The following CPNE8 variants were observed in gnomAD, a reference collection of about 807,000 sequenced individuals.
CPNE8 encodes the protein copine 8.
CPNE8 carries 45 observed loss-of-function variants against 81.5 expected under a neutral mutation model. That is an observed-to-expected ratio of 0.55 (90% CI 0.44 to 0.71). CPNE8 has a LOEUF of 0.71. Ranked by LOEUF, CPNE8 falls within the 30% of genes least tolerant of loss-of-function variation. CPNE8 has a pLI of 0.00. For missense variants in CPNE8, 594 were observed against 672.1 expected, an observed-to-expected ratio of 0.88 and a Z score of 1.28; for synonymous variants, 252 against 226.3, an observed-to-expected ratio of 1.11 and a Z score of -1.02.
intron 16 of CPNE8, among the ~76,000 whole-genome samples, chr12:38,684,212 G>A (rs1307732596): frequency 4.0e-5 from 6 of 151,800 alleles, no homozygotes; most frequent in Non-Finnish European, 7.4e-5. Context: ...TACTTACATC[G>A]GCTAGTATAA....
At chr12:38,679,489 T>C (rs1395396761) in intron 16 of CPNE8, 6 of 579,130 alleles carry the variant, frequency 1.0e-5, no homozygotes, top group Admixed American at 6.4e-5. Context: ...TCTCTTCACT[T>C]TGAAAACCAT....
Position 38,857,642 on chromosome 12 carries a change from G to C in CPNE8, c.187-8980C>G, listed in dbSNP as rs146957710. ...AAATAAGAGGGTTAGGCTAGAGGTA[G>C]TGGCTCACGCCTGTAATCCCAGCAC... On this transcript the variant is annotated intron_variant, in intron 3 of 19. Transcript: ENST00000331366. 7.7e-3 allele frequency among the ~76,000 whole-genome samples: 1,168 copies of C among 152,318 alleles called. 40 individuals are homozygous for C. Among genetic ancestry groups the C allele is most frequent in the Admixed American group, 0.065 (995 of 15,296 alleles).
At chr12:38,805,605 T>C (rs1206175283) in intron 6 of CPNE8, among the ~76,000 whole-genome samples, 11 of 102,002 alleles carry the variant, frequency 1.1e-4, no homozygotes, top group Non-Finnish European at 2.2e-4. Context: ...GGCACATGTA[T>C]ACATATGTAA....
intron 10 of CPNE8, among the ~76,000 whole-genome samples, chr12:38,756,019 G>C (rs1380897969): frequency 1.6e-5 from 2 of 124,022 alleles, no homozygotes; most frequent in African/African-American, 5.6e-5. Context: ...CAGCCTGGGC[G>C]ACAGAGCGAG....
chr12:38,745,368 C>G (rs555454050), intron 10 of CPNE8, among the ~76,000 whole-genome samples: 6 of 152,292 alleles, frequency 3.9e-5, no homozygotes, highest in African/African-American at 1.2e-4. Context: ...CAGGAAACAT[C>G]CATGCTTTGC....
chr12:38,882,312 T>A (rs910820804), intron 1 of CPNE8, among the ~76,000 whole-genome samples: 1 of 151,970 alleles, frequency 6.6e-6, no homozygotes, highest in Non-Finnish European at 1.5e-5. Context: ...AGTGATGCAG[T>A]CACAAGCCAA....
At chr12:38,826,808 G>A (rs1484124666) in intron 6 of CPNE8, among the ~76,000 whole-genome samples, 1 of 151,566 alleles carries the variant, frequency 6.6e-6, no homozygotes. Flanking sequence ...TCTGAAATTA[G>A]AATTATGATT....
chr12:38,686,584 T>C (rs1252369135), intron 15 of CPNE8, among the ~76,000 whole-genome samples: 1 of 152,250 alleles, frequency 6.6e-6, no homozygotes, highest in Non-Finnish European at 1.5e-5. Context: ...GAACATTTAT[T>C]ATCTCACACA....
chr12:38,902,009 A>G (rs1040067270), intron 1 of CPNE8, among the ~76,000 whole-genome samples: 7 of 152,050 alleles, frequency 4.6e-5, no homozygotes, highest in Non-Finnish European at 1.0e-4. Context: ...CAGACACTTG[A>G]TGAATAAACA....
At chr12:38,810,629 A>G (rs1592112166) in intron 6 of CPNE8, among the ~76,000 whole-genome samples, 1 of 152,302 alleles carries the variant, frequency 6.6e-6, no homozygotes, top group East Asian at 1.9e-4. Context: ...TCCTATTGCC[A>G]TAACAAATTA....
intron 6 of CPNE8, among the ~76,000 whole-genome samples, chr12:38,786,776 T>A (rs1942198062): frequency 1.3e-5 from 2 of 152,106 alleles, no homozygotes; most frequent in African/African-American, 4.8e-5. Context: ...AGGGGTCAAT[T>A]AAGCAAGGGA....
At chr12:38,741,864 G>C (rs887093361) in intron 10 of CPNE8, among the ~76,000 whole-genome samples, 2 of 152,090 alleles carry the variant, frequency 1.3e-5, no homozygotes, top group South Asian at 4.1e-4. Context: ...GTGGGCAAAG[G>C]ATATGAACAG....
intron 13 of CPNE8, among the ~76,000 whole-genome samples, chr12:38,718,637 A>G (rs940865485): frequency 7.2e-5 from 11 of 152,232 alleles, no homozygotes; most frequent in Non-Finnish European, 1.3e-4. Context: ...ATTTAGAAAT[A>G]TCTAACAAAT....
intron 11 of CPNE8, 91 bp from the exon 12 acceptor site, chr12:38,724,990 C>A: frequency 8.9e-7 from 1 of 1,122,034 alleles, no homozygotes; most frequent in Non-Finnish European, 1.3e-6. Flanking sequence ...TAACCTGCTG[C>A]CTTCCCTTCT....
chr12:38,809,210 G>T (rs1308141627), intron 6 of CPNE8, among the ~76,000 whole-genome samples: 2 of 152,180 alleles, frequency 1.3e-5, no homozygotes, highest in African/African-American at 2.4e-5. Flanking sequence ...TTCTGCTTAG[G>T]ATCTCACAAT....
At chr12:38,797,436 CAG>C (rs1203681602) in intron 6 of CPNE8, among the ~76,000 whole-genome samples, 6 of 152,150 alleles carry the variant, frequency 3.9e-5, no homozygotes, top group East Asian at 3.9e-4. Context: ...CCCAGGCAAA[CAG>C]GGTCTGGAGT....
intron 14 of CPNE8, among the ~76,000 whole-genome samples, chr12:38,702,642 CAATATAT>C (rs1277138459): frequency 6.6e-6 from 1 of 151,758 alleles, no homozygotes; most frequent in African/African-American, 2.4e-5. Flanking sequence ...GACAATATTT[CAATATAT>C]AATAAATCTG....
intron 14 of CPNE8, among the ~76,000 whole-genome samples, chr12:38,694,389 C>T (rs1365416501): frequency 6.6e-6 from 1 of 152,174 alleles, no homozygotes; most frequent in Admixed American, 6.5e-5. Flanking sequence ...TCGAATGAGA[C>T]ATTAAGCTAG....
chr12:38,794,650 TAA>T (rs61223251), intron 6 of CPNE8, among the ~76,000 whole-genome samples: 13,364 of 139,250 alleles, frequency 0.096, 720 homozygotes, highest in East Asian at 0.32. Context: ...AAAACTACTA[TAA>T]AAAAAAAAAA....
Sources: allele counts gnomAD v4.1 joint callset (sites outside exome capture counted in the v4.1 genomes callset), GRCh38; gene constraint gnomAD v4.1.1; transcripts MANE v1.5; gene names NCBI Gene and HGNC (gene_info 2026-07-23, HGNC 2026-07-21).